KIAA1217: variants seen among roughly 807,000 people sequenced by gnomAD.
KIAA1217 encodes the protein KIAA1217, also known as sickle tail protein homolog.
Under a neutral mutation model 163.9 loss-of-function variants are expected in KIAA1217, and 88 were observed. The observed-to-expected ratio is 0.54, with a 90% confidence interval of 0.45 to 0.64. KIAA1217 has a LOEUF of 0.64. KIAA1217 is among the 30% of genes least tolerant of loss of function. KIAA1217 has a pLI of 0.00. For synonymous variants in KIAA1217, 903 were observed against 923.1 expected (o/e 0.98, Z 0.39); for missense variants, 2,372 against 2,475.0 (o/e 0.96, Z 0.88).
chr10:24,071,325 G>A (rs1294565894), intron 2 of KIAA1217, among the ~76,000 whole-genome samples: 2 of 152,084 alleles, frequency 1.3e-5, no homozygotes, highest in Admixed American at 6.5e-5. Context: ...ATACTTAGTG[G>A]GTCATTTATA....
intron 1 of KIAA1217, among the ~76,000 whole-genome samples, chr10:23,875,227 A>G (rs1239642776): frequency 2.0e-5 from 3 of 152,054 alleles, no homozygotes; most frequent in Non-Finnish European, 4.4e-5. Context: ...GGAAAAATAT[A>G]TAAACCATAT....
chr10:23,790,479 G>GCATATATA, intron 1 of KIAA1217, among the ~76,000 whole-genome samples: 1 of 99,418 alleles, frequency 1.0e-5, no homozygotes, highest in South Asian at 2.8e-4. Context: ...ATATACATGT[G>GCATATATA]CATATATACA....
chr10:24,179,715 A>C (rs2131945557), intron 2 of KIAA1217, among the ~76,000 whole-genome samples: 1 of 152,176 alleles, frequency 6.6e-6, no homozygotes, highest in Non-Finnish European at 1.5e-5. Flanking sequence ...CAGCCACCCA[A>C]GTAGCTGGGA....
At chr10:24,350,299 C>T (rs1237815205) in intron 2 of KIAA1217, among the ~76,000 whole-genome samples, 7 of 152,092 alleles carry the variant, frequency 4.6e-5, no homozygotes, top group African/African-American at 9.7e-5. Flanking sequence ...TCTTGTGTAT[C>T]GTGTAATTCC....
intron 2 of KIAA1217, among the ~76,000 whole-genome samples, chr10:24,075,191 C>T (rs1475794972): frequency 6.6e-6 from 1 of 151,528 alleles, no homozygotes; most frequent in Non-Finnish European, 1.5e-5. Flanking sequence ...TCACTACAGC[C>T]TCAAATTCCA....
chr10:24,447,888 T>C (rs1449165394), intron 5 of KIAA1217, among the ~76,000 whole-genome samples: 2 of 152,058 alleles, frequency 1.3e-5, no homozygotes, highest in African/African-American at 2.4e-5. Context: ...TCCCAGCACT[T>C]TGGGAGGCTG....
At chr10:24,224,465 G>A (rs1400130812) in intron 2 of KIAA1217, among the ~76,000 whole-genome samples, 1 of 151,786 alleles carries the variant, frequency 6.6e-6, no homozygotes, top group African/African-American at 2.4e-5. Flanking sequence ...CAAGCCTCCC[G>A]AGTAGCTGGG....
chr10:24,505,268 A>G (rs2068183984), intron 9 of KIAA1217, among the ~76,000 whole-genome samples: 1 of 150,260 alleles, frequency 6.7e-6, no homozygotes, highest in Non-Finnish European at 1.5e-5. Context: ...TCTGCTAGCT[A>G]CATTTGGTAT....
chr10:24,404,310 TG>T (rs2056925868), intron 3 of KIAA1217, among the ~76,000 whole-genome samples: 1 of 152,054 alleles, frequency 6.6e-6, no homozygotes, highest in South Asian at 2.1e-4. Flanking sequence ...GGCTTATGCC[TG>T]TAATCTCAGC....
chr10:24,184,959 G>A (rs1266608881), intron 2 of KIAA1217, among the ~76,000 whole-genome samples: 3 of 152,112 alleles, frequency 2.0e-5, no homozygotes, highest in Non-Finnish European at 4.4e-5. Context: ...TCTAATATAG[G>A]TATGTGTGAC....
Position 24,167,187 on chromosome 10 carries a change from C to G in KIAA1217, c.-170-52439C>G, listed in dbSNP as rs566328740. 1.4e-4 allele frequency among the ~76,000 whole-genome samples: 10 copies of G among 69,700 alleles called. No individual in the cohort carries two copies. In the South Asian group the frequency reaches 4.1e-3, roughly 29 times the overall value. The allele number at this position is 69,700 out of a possible 152,430, so 45.7% of individuals were successfully genotyped here. A position where few individuals can be genotyped will look rare whatever the true frequency, so the allele number is the denominator to read the frequency against. ...ACTTCTCTAGTCTTTGTTTTAGGTT[C>G]TCTCCTTTTCAAATTCCTTTCATCT... On this transcript the variant is annotated intron_variant, in intron 2 of 18. Coordinates refer to the KIAA1217 transcript ENST00000376462.
chr10:24,326,499 A>C (rs886490032), intron 2 of KIAA1217, among the ~76,000 whole-genome samples: 1 of 152,194 alleles, frequency 6.6e-6, no homozygotes, highest in Non-Finnish European at 1.5e-5. Flanking sequence ...TAGCTGTTGT[A>C]GTTATATAAT....
intron 1 of KIAA1217, among the ~76,000 whole-genome samples, chr10:23,896,789 T>G (rs1417558281): frequency 6.6e-6 from 1 of 152,102 alleles, no homozygotes. Flanking sequence ...TATTTTTAAA[T>G]TTTTGAAGTT....
At chr10:24,446,321 A>G (rs1441937516) in intron 5 of KIAA1217, among the ~76,000 whole-genome samples, 2 of 152,106 alleles carry the variant, frequency 1.3e-5, no homozygotes, top group African/African-American at 2.4e-5. Flanking sequence ...TTCATTATAC[A>G]TCTCTTTCAT....
chr10:24,402,520 A>AAC (rs1554849312), intron 3 of KIAA1217, among the ~76,000 whole-genome samples: 6 of 81,442 alleles, frequency 7.4e-5, no homozygotes, highest in African/African-American at 2.3e-4. Context: ...AAAAAACAAA[A>AAC]AACAAAACAA....
At chr10:24,052,192 A>T (rs1265019824) in intron 2 of KIAA1217, among the ~76,000 whole-genome samples, 1 of 152,270 alleles carries the variant, frequency 6.6e-6, no homozygotes. Flanking sequence ...TTATCTATGT[A>T]ACTAAGTTAT....
intron 1 of KIAA1217, among the ~76,000 whole-genome samples, chr10:23,808,185 G>A (rs1564439226): frequency 6.6e-6 from 1 of 152,176 alleles, no homozygotes; most frequent in Non-Finnish European, 1.5e-5. Context: ...GTAGGCCTCT[G>A]GCAGAGACAT....
At chr10:23,854,552 C>G (rs1416712086) in intron 1 of KIAA1217, among the ~76,000 whole-genome samples, 3 of 152,112 alleles carry the variant, frequency 2.0e-5, no homozygotes, top group African/African-American at 7.2e-5. Flanking sequence ...GAGCTGAGTT[C>G]AATTCCTGGG....
intron 1 of KIAA1217, among the ~76,000 whole-genome samples, chr10:23,783,845 A>G (rs909208139): frequency 6.6e-5 from 10 of 151,970 alleles, no homozygotes; most frequent in Non-Finnish European, 1.3e-4. Flanking sequence ...CATTTTCTTG[A>G]CAGGTGATTG....
Sources: allele counts gnomAD v4.1 joint callset (sites outside exome capture counted in the v4.1 genomes callset), GRCh38; gene constraint gnomAD v4.1.1; transcripts MANE v1.5; gene names NCBI Gene and HGNC (gene_info 2026-07-23, HGNC 2026-07-21).